Variants in FMNL2 observed in about 807,000 individuals in gnomAD.
FMNL2 encodes formin like 2, also known as formin-like protein 2.
In FMNL2, 51 loss-of-function variants were observed where a neutral mutation model predicts 130.2. The ratio of observed to expected loss-of-function variants is 0.39; its 90% CI spans 0.31 to 0.49. FMNL2 has a LOEUF of 0.49. Among genes scored for constraint, FMNL2 ranks in the 20% least tolerant of loss-of-function variants. The probability of loss-of-function intolerance (pLI) is 0.85; values close to 1 mark genes in which losing one functional copy is unlikely to be tolerated. For synonymous variants in FMNL2, 465 were observed against 467.1 expected (o/e 1.00, Z 0.06); for missense variants, 977 against 1,316.2 (o/e 0.74, Z 3.99).
At chr2:152,631,889 C>A in intron 20 of FMNL2, 119 bp from the exon 21 acceptor site, 1 of 1,122,548 alleles carries the variant, frequency 8.9e-7, no homozygotes, top group South Asian at 1.8e-5. Context: ...GGGAATGCTC[C>A]AGCCTGTTGG....
At chr2:152,430,060 A>G (rs1450001079) in intron 1 of FMNL2, among the ~76,000 whole-genome samples, 1 of 152,198 alleles carries the variant, frequency 6.6e-6, no homozygotes, top group Non-Finnish European at 1.5e-5. Flanking sequence ...AAAACAAAAA[A>G]CAAACCAACA....
chr2:152,633,305 A>C (rs150285905), intron 21 of FMNL2, among the ~76,000 whole-genome samples: 418 of 152,216 alleles, frequency 2.7e-3, no homozygotes, highest in South Asian at 7.1e-3. Flanking sequence ...TGTGTTGCCT[A>C]GGCTGGTCTT....
chr2:152,550,613 A>G (rs1694881833), intron 4 of FMNL2, among the ~76,000 whole-genome samples: 1 of 152,250 alleles, frequency 6.6e-6, no homozygotes, highest in Non-Finnish European at 1.5e-5. Context: ...CCCTGAAAGT[A>G]AATAAGATTA....
chr2:152,643,672 G>T, intron 25 of FMNL2: 1 of 1,435,738 alleles, frequency 7.0e-7, no homozygotes, highest in South Asian at 1.5e-5. Context: ...GCATGGTTTT[G>T]CATTTCAATT....
At chr2:152,516,368 C>T (rs1160045207) in intron 1 of FMNL2, among the ~76,000 whole-genome samples, 1 of 151,908 alleles carries the variant, frequency 6.6e-6, no homozygotes, top group East Asian at 1.9e-4. Context: ...ACCTCTGTAT[C>T]TCTATTATTT....
At chr2:152,541,227 G>C (rs531853873) in intron 2 of FMNL2, among the ~76,000 whole-genome samples, 7 of 152,132 alleles carry the variant, frequency 4.6e-5, no homozygotes, top group African/African-American at 1.7e-4. Flanking sequence ...CACGATCAGG[G>C]CTCACTGCAG....
At chr2:152,614,633 C>A (rs1282898539) in intron 11 of FMNL2, among the ~76,000 whole-genome samples, 1 of 152,094 alleles carries the variant, frequency 6.6e-6, no homozygotes, top group African/African-American at 2.4e-5. Flanking sequence ...ATCCCAGCTA[C>A]TTGGGAGGCT....
Position 152,507,166 on chromosome 2 carries a change from G to C in FMNL2, c.118-14777G>C, listed in dbSNP as rs1234396631. On this transcript the variant is annotated intron_variant, in intron 1 of 25. Transcript: ENST00000288670. ...TCCCATAGCTTCCATTCATTTCACT[G>C]TAGTGCTTGGGGGTGCCTTGGCACT... Among the ~76,000 whole-genome samples the C allele has an allele frequency of 2.0e-5, 3 of 152,304 alleles. No homozygotes were observed. In the South Asian group the frequency reaches 6.2e-4, roughly 32 times the overall value.
chr2:152,559,492 C>T (rs12052809), intron 5 of FMNL2, among the ~76,000 whole-genome samples: 20,811 of 152,080 alleles, frequency 0.14, 2,073 homozygotes, highest in East Asian at 0.47. Flanking sequence ...TCAGTAGAGA[C>T]GGGGTTTCAC....
At chr2:152,518,907 A>G (rs9967819) in intron 1 of FMNL2, among the ~76,000 whole-genome samples, 36,754 of 152,116 alleles carry the variant, frequency 0.24, 4,736 homozygotes, top group Non-Finnish European at 0.29. Flanking sequence ...AAAGCCTTCA[A>G]TGGCTTCCCG....
intron 1 of FMNL2, among the ~76,000 whole-genome samples, chr2:152,429,166 C>T (rs1385482909): frequency 1.3e-5 from 2 of 150,318 alleles, no homozygotes; most frequent in African/African-American, 4.9e-5. Flanking sequence ...TGCACATGTA[C>T]CCCTGAACTT....
At chr2:152,383,788 G>A (rs551525436) in intron 1 of FMNL2, among the ~76,000 whole-genome samples, 1 of 152,180 alleles carries the variant, frequency 6.6e-6, no homozygotes, top group African/African-American at 2.4e-5. Flanking sequence ...CATTTATTTA[G>A]TCTTCAAGGG....
chr2:152,449,159 T>C (rs1010017468), intron 1 of FMNL2, among the ~76,000 whole-genome samples: 1 of 152,192 alleles, frequency 6.6e-6, no homozygotes, highest in African/African-American at 2.4e-5. Flanking sequence ...GATGTCTGTT[T>C]TAGGCACACT....
At chr2:152,577,322 T>C (rs1047227632) in intron 7 of FMNL2, among the ~76,000 whole-genome samples, 4 of 152,124 alleles carry the variant, frequency 2.6e-5, no homozygotes, top group Admixed American at 6.6e-5. Context: ...GCAGGATAGA[T>C]GGATTTGAGG....
intron 1 of FMNL2, among the ~76,000 whole-genome samples, chr2:152,475,705 G>A (rs1409411890): frequency 1.3e-5 from 2 of 151,980 alleles, no homozygotes; most frequent in South Asian, 2.1e-4. Context: ...TGCCATGTTG[G>A]CCAGGCTGGT....
At chr2:152,580,857 G>A in intron 8 of FMNL2, 99 bp from the exon 9 acceptor site, 1 of 1,111,578 alleles carries the variant, frequency 9.0e-7, no homozygotes, top group Non-Finnish European at 1.3e-6. Flanking sequence ...AAAAATGTAA[G>A]GGCAAATGTT....
chr2:152,552,489 G>C (rs1261655094), intron 4 of FMNL2, among the ~76,000 whole-genome samples: 1 of 152,174 alleles, frequency 6.6e-6, no homozygotes, highest in Non-Finnish European at 1.5e-5. Context: ...AAAGACTTGA[G>C]CTTTCCCAAG....
intron 1 of FMNL2, among the ~76,000 whole-genome samples, chr2:152,348,849 A>C (rs1381294668): frequency 1.9e-5 from 1 of 51,896 alleles, no homozygotes; most frequent in Non-Finnish European, 3.1e-5. Flanking sequence ...TTTTTTTGAG[A>C]CGGAGTCTCG....
intron 21 of FMNL2, among the ~76,000 whole-genome samples, chr2:152,632,723 G>A (rs533723691): frequency 1.3e-5 from 2 of 152,314 alleles, no homozygotes; most frequent in Non-Finnish European, 2.9e-5. Flanking sequence ...CACATGAGTA[G>A]AAAGTGATAG....
Sources: gnomAD v4.1 joint callset for allele counts (sites outside exome capture counted in the v4.1 genomes callset) on GRCh38, gnomAD v4.1.1 for gene constraint, MANE v1.5 for transcripts, NCBI Gene and HGNC (gene_info 2026-07-23, HGNC 2026-07-21) for gene names.